CENPE: variants seen among roughly 807,000 people sequenced by gnomAD.
CENPE encodes the protein centromere-associated protein E.
CENPE carries 145 observed loss-of-function variants against 336.1 expected under a neutral mutation model. The observed-to-expected ratio is 0.43, with a 90% CI of 0.38 to 0.50. The LOEUF is 0.50. CENPE is among the 20% of genes least tolerant of loss of function. CENPE has a pLI of 0.00. For synonymous variants in CENPE, 1,013 were observed against 984.8 expected, an observed-to-expected ratio of 1.03 and a Z score of -0.54; for missense variants, 2,719 against 3,023.3, an observed-to-expected ratio of 0.90 and a Z score of 2.36.
At chr4:103,138,279 C>T (rs1370414013) in intron 39 of CENPE, 72 bp downstream of exon 39, 6 of 987,646 alleles carry the variant, frequency 6.1e-6, no homozygotes, top group Middle Eastern at 2.1e-4. Context: ...TTCCTTCAAT[C>T]CCACTTCAGG....
intron 16 of CENPE, among the ~76,000 whole-genome samples, chr4:103,168,113 C>G (rs1345153798): frequency 6.6e-6 from 1 of 152,026 alleles, no homozygotes; most frequent in Non-Finnish European, 1.5e-5. Context: ...AGCCTCCCTG[C>G]TCTCACCCAC....
intron 13 of CENPE, among the ~76,000 whole-genome samples, chr4:103,179,682 C>T (rs1487193190): frequency 6.6e-6 from 1 of 152,194 alleles, no homozygotes; most frequent in Non-Finnish European, 1.5e-5. Context: ...AGCTATTCCA[C>T]ACTGCTACTT....
chr4:103,150,440 G>A (rs1753443816), intron 26 of CENPE, among the ~76,000 whole-genome samples: 2 of 151,914 alleles, frequency 1.3e-5, no homozygotes, highest in Non-Finnish European at 2.9e-5. Context: ...CAATTAGCTG[G>A]GTGTTGTGGC....
At chr4:103,175,638 G>A (rs1193615880) in intron 15 of CENPE, among the ~76,000 whole-genome samples, 1 of 152,004 alleles carries the variant, frequency 6.6e-6, no homozygotes, top group African/African-American at 2.4e-5. Context: ...AAATGCCTGA[G>A]AATTGACACT....
At chr4:103,143,169 G>A in intron 34 of CENPE, 79 bp downstream of exon 34, 1 of 972,236 alleles carries the variant, frequency 1.0e-6, no homozygotes, top group Non-Finnish European at 1.5e-6. Context: ...TCAATTTTAG[G>A]GTAATTCATA....
At chr4:103,148,264 A>T (rs1753230078) in intron 28 of CENPE, among the ~76,000 whole-genome samples, 1 of 152,210 alleles carries the variant, frequency 6.6e-6, no homozygotes, top group Non-Finnish European at 1.5e-5. Context: ...TAAGAGAAAA[A>T]CCATAGCTGA....
intron 16 of CENPE, among the ~76,000 whole-genome samples, chr4:103,172,470 C>A (rs1413952860): frequency 6.6e-6 from 1 of 151,934 alleles, no homozygotes; most frequent in East Asian, 1.9e-4. Flanking sequence ...AGGCCACATA[C>A]AACAAACCCA....
chr4:103,178,059 A>G (rs1271904085), intron 13 of CENPE, among the ~76,000 whole-genome samples: 1 of 126,580 alleles, frequency 7.9e-6, no homozygotes, highest in African/African-American at 3.0e-5. Context: ...TTTTTTTGCC[A>G]TCTCCCTCTT....
At chr4:103,146,206 C>T (rs1753044271) in intron 29 of CENPE, 99 bp from the exon 30 acceptor site, 3 of 1,053,984 alleles carry the variant, frequency 2.8e-6, no homozygotes, top group East Asian at 4.9e-5. Context: ...AGGCAGGATT[C>T]AGTGCCTCAT....
intron 9 of CENPE, among the ~76,000 whole-genome samples, chr4:103,185,288 G>C (rs534278686): frequency 6.8e-6 from 1 of 148,080 alleles, no homozygotes; most frequent in Non-Finnish European, 1.5e-5. Context: ...CTGGGAGACA[G>C]AGTGAGAGTC....
At position 103,120,105 on chromosome 4, in the gene CENPE, C is replaced by A. The variant is rs1026870204; in HGVS notation, c.7329+43G>T. On this transcript the variant is annotated intron_variant, in intron 44 of 48. Transcript: ENST00000265148. ...GATTTGCTGAATTCAATAGGTTAAA[C>A]AAACAAACAAACAAACAACTTTTAT... The A allele has an allele frequency of 3.0e-5, 41 of 1,355,944 alleles. No homozygotes were observed. In the East Asian group the frequency reaches 9.6e-4, roughly 32 times the overall value. The allele number at this position is 1,355,944 out of a possible 1,614,324, so 84.0% of individuals were successfully genotyped here. A position where few individuals can be genotyped will look rare whatever the true frequency, so the allele number is the denominator to read the frequency against.
Position 103,196,119 on chromosome 4 carries a change from C to T in CENPE, c.238+44G>A, listed in dbSNP as rs368399358. 1.8e-3 allele frequency: 2,850 copies of T among 1,585,990 alleles called. 12 individuals carry two copies. Among genetic ancestry groups the T allele is most frequent in the Non-Finnish European group, 2.2e-3 (2,546 of 1,154,436 alleles). Reference sequence around the variant, plus strand: ...AAACTATGCATGCTTGTTGCACAGACGCCCAAGACTAAAATGTTTCTGCAG... The same window carrying T: ...AAACTATGCATGCTTGTTGCACAGATGCCCAAGACTAAAATGTTTCTGCAG... On this transcript the variant is annotated intron_variant, in intron 3 of 48. Coordinates refer to ENST00000265148, the MANE Select transcript of CENPE (RefSeq NM_001813.3).
Position 103,195,177 on chromosome 4 carries a change from G to A in CENPE, c.414C>T (p.Thr138=), listed in dbSNP as rs968891665. Residue 138 remains threonine, a synonymous_variant, in exon 5 of 49, where the codon ACC becomes ACT. Transcript: ENST00000265148. The part of the protein sequence containing the change: ...RVSYMEIYNE[T]ITDLLCGTQK... Reference sequence around the variant, plus strand: ...GAGTGCCACAGAGTAAATCTGTAATGGTTTCATTGTATATTTCCATGTAAG... The same window carrying A: ...GAGTGCCACAGAGTAAATCTGTAATAGTTTCATTGTATATTTCCATGTAAG... 1 of 1,588,596 alleles carries A rather than the reference G, an allele frequency of 6.3e-7. No individual in the cohort carries two copies. The highest frequency in any genetic ancestry group is 1.4e-5 in the African/African-American group (1 of 73,492).
intron 15 of CENPE, 49 bp from the exon 16 acceptor site, chr4:103,174,952 T>G: frequency 8.6e-7 from 1 of 1,158,678 alleles, no homozygotes; most frequent in Non-Finnish European, 1.2e-6. Context: ...CAAATATTTT[T>G]TGTTTCCTTA....
At position 103,191,660 on chromosome 4, in the gene CENPE, AG is replaced by A. The variant is rs150896690; in HGVS notation, c.693+2568del. On this transcript the variant is annotated intron_variant, in intron 8 of 48. Coordinates refer to ENST00000265148, the MANE Select transcript of CENPE (RefSeq NM_001813.3). ...CCGGGGCCTGTTGTGGGGTGGGGGG[AG>A]GGGGGGATAGCATTAGGAGATATAC... 1.8e-4 allele frequency among the ~76,000 whole-genome samples: 13 copies of A among 72,490 alleles called. No individual in the cohort carries two copies. The East Asian group carries it at 2.2e-3, about 12-fold the overall frequency. The allele number at this position is 72,490 out of a possible 152,430, so 47.6% of individuals were successfully genotyped here.
At chr4:103,189,714 C>A (rs1029851447) in intron 8 of CENPE, among the ~76,000 whole-genome samples, 10 of 152,166 alleles carry the variant, frequency 6.6e-5, no homozygotes, top group Non-Finnish European at 1.3e-4. Context: ...TCGAAGCATT[C>A]CCTTTAAAAA....
intron 33 of CENPE, among the ~76,000 whole-genome samples, chr4:103,143,841 G>A (rs193107472): frequency 2.6e-5 from 4 of 152,260 alleles, no homozygotes; most frequent in African/African-American, 4.8e-5. Context: ...GTGGATCAAC[G>A]AATAAACCTT....
At chr4:103,117,908 A>G (rs1284539582) in intron 44 of CENPE, among the ~76,000 whole-genome samples, 1 of 152,148 alleles carries the variant, frequency 6.6e-6, no homozygotes, top group African/African-American at 2.4e-5. Flanking sequence ...GATTACAGGC[A>G]TGAGCCACTG....
chr4:103,117,789 G>A (rs1013637259), intron 44 of CENPE, among the ~76,000 whole-genome samples: 7 of 151,842 alleles, frequency 4.6e-5, no homozygotes, highest in African/African-American at 1.7e-4. Flanking sequence ...CACCATGCCT[G>A]GCTACTTTTT....
Sources: gnomAD v4.1 joint callset for allele counts (sites outside exome capture counted in the v4.1 genomes callset) on GRCh38, gnomAD v4.1.1 for gene constraint, MANE v1.5 for transcripts, NCBI Gene and HGNC (gene_info 2026-07-23, HGNC 2026-07-21) for gene names.